Variants in LPAR5 observed in about 807,000 individuals in gnomAD.
The protein encoded by LPAR5 is lysophosphatidic acid receptor 5.
For missense variants in LPAR5, 544 were observed against 521.8 expected (o/e 1.04, Z -0.41); for synonymous variants, 271 against 261.6 (o/e 1.04, Z -0.35).
At chr12:6,631,893 T>A (rs954792745) in intron 1 of LPAR5, among the ~76,000 whole-genome samples, 1 of 152,108 alleles carries the variant, frequency 6.6e-6, no homozygotes, top group Non-Finnish European at 1.5e-5. Flanking sequence ...TCCTCCCCCA[T>A]ACCCTTCCTG....
intron 1 of LPAR5, among the ~76,000 whole-genome samples, 190 bp downstream of exon 1, chr12:6,635,717 T>C (rs998534735): frequency 1.6e-4 from 25 of 152,152 alleles, no homozygotes; most frequent in Non-Finnish European, 3.1e-4. Flanking sequence ...GCATGTTAGC[T>C]GTTTGTCCAG....
chr12:6,632,621 GC>G (rs1948987050), intron 1 of LPAR5, among the ~76,000 whole-genome samples: 1 of 152,166 alleles, frequency 6.6e-6, no homozygotes, highest in Non-Finnish European at 1.5e-5. Context: ...CCCCAGCTGT[GC>G]TGAGCCTCCA....
At position 6,627,027 on chromosome 12, in the gene LPAR5, T is replaced by G. The variant is rs144678496; in HGVS notation, c.-216-5563A>C. The stretch of plus-strand genomic sequence containing the variant: ...AATAATAGGTATCATTTACTGATCA[T>G]CACCATATTTTAATTTCTATACATA... On this transcript the variant is annotated intron_variant, in intron 1 of 1. Coordinates refer to ENST00000329858, the MANE Select transcript of LPAR5 (RefSeq NM_020400.6). 2.2e-3 allele frequency among the ~76,000 whole-genome samples: 336 copies of G among 152,372 alleles called. 2 individuals carry two copies. The Middle Eastern group carries it at 0.027, about 12-fold the overall frequency.
In LPAR5 at chr12:6,629,972, T is replaced by C. The variant is rs902719818; in HGVS notation, c.-217+5935A>G. ...CCAGGAGGCGGAAGTTGCAGTGAGC[T>C]GAGATCGCGCCACTGCACTCCAGCC... On this transcript the variant is annotated intron_variant, in intron 1 of 1. Transcript: ENST00000329858. Among the ~76,000 whole-genome samples, 6 of 148,744 alleles carry C rather than the reference T, an allele frequency of 4.0e-5. No individual in the cohort carries two copies. The South Asian group carries it at 6.5e-4, about 16-fold the overall frequency.
chr12:6,630,314 G>T (rs150709483), intron 1 of LPAR5, among the ~76,000 whole-genome samples: 12 of 151,826 alleles, frequency 7.9e-5, no homozygotes, highest in African/African-American at 2.4e-4. Context: ...AGTAGAAATG[G>T]GGTTTCACCA....
intron 1 of LPAR5, among the ~76,000 whole-genome samples, chr12:6,622,557 T>C (rs988883782): frequency 6.7e-6 from 1 of 148,840 alleles, no homozygotes; most frequent in Admixed American, 6.8e-5. Context: ...GAGACCATCC[T>C]GGCCAACATG....
intron 1 of LPAR5, among the ~76,000 whole-genome samples, chr12:6,630,271 C>T (rs1385245919): frequency 1.3e-5 from 2 of 150,806 alleles, no homozygotes; most frequent in Non-Finnish European, 3.0e-5. Context: ...TCATAGCTCG[C>T]ACCACCACAC....
chr12:6,622,799 C>G (rs1009799246), intron 1 of LPAR5, among the ~76,000 whole-genome samples: 1 of 152,010 alleles, frequency 6.6e-6, no homozygotes, highest in Non-Finnish European at 1.5e-5. Flanking sequence ...GGCATTGTGG[C>G]ACATGCCCGT....
chr12:6,635,539 G>T (rs1166105357), intron 1 of LPAR5, among the ~76,000 whole-genome samples: 2 of 152,100 alleles, frequency 1.3e-5, no homozygotes, highest in East Asian at 3.9e-4. Context: ...AGGTTTAACT[G>T]CGAGTGGAAA....
intron 1 of LPAR5, among the ~76,000 whole-genome samples, chr12:6,625,237 A>G (rs1215366227): frequency 6.6e-6 from 1 of 151,396 alleles, no homozygotes; most frequent in African/African-American, 2.4e-5. Flanking sequence ...CATCCTGGCT[A>G]ACACGGTGAA....
intron 1 of LPAR5, among the ~76,000 whole-genome samples, chr12:6,623,003 T>G (rs1170620356): frequency 6.6e-6 from 1 of 152,008 alleles, no homozygotes; most frequent in African/African-American, 2.4e-5. Flanking sequence ...TTTGGGAGAC[T>G]GAGGCGGGCA....
intron 1 of LPAR5, among the ~76,000 whole-genome samples, chr12:6,634,842 C>G (rs1592303810): frequency 6.7e-6 from 1 of 150,368 alleles, no homozygotes; most frequent in Non-Finnish European, 1.5e-5. Context: ...GTAATCCCAG[C>G]ACTTTGGGAG....
chr12:6,628,028 C>CTTTTTTTTTTTT lies in LPAR5; in HGVS notation c.-216-6565_-216-6564insAAAAAAAAAAAA, dbSNP rs71067128. On this transcript the variant is annotated intron_variant, in intron 1 of 1. Transcript: ENST00000329858. The stretch of plus-strand genomic sequence containing the variant: ...GATCATTCTTTTCTTTTTCTTTTTT[C>CTTTTTTTTTTTT]TTTTTTTTTTTGAGACAGAGTCTTG... Among the ~76,000 whole-genome samples, 8 of 134,510 alleles carry CTTTTTTTTTTTT rather than the reference C, an allele frequency of 5.9e-5. 1 individual carries two copies. The highest frequency in any genetic ancestry group is 2.3e-4 in the South Asian group (1 of 4,410). The allele number at this position is 134,510 out of a possible 152,430, so 88.2% of individuals were successfully genotyped here.
intron 1 of LPAR5, among the ~76,000 whole-genome samples, chr12:6,622,671 G>A (rs1948905211): frequency 1.3e-5 from 2 of 151,426 alleles, no homozygotes; most frequent in Admixed American, 6.6e-5. Context: ...AGAATTGCTT[G>A]AGCAGAGGTT....
At chr12:6,624,520 C>A (rs1948920240) in intron 1 of LPAR5, among the ~76,000 whole-genome samples, 1 of 152,168 alleles carries the variant, frequency 6.6e-6, no homozygotes, top group African/African-American at 2.4e-5. Flanking sequence ...TGAGTGGAAT[C>A]ATACAATATT....
intron 1 of LPAR5, among the ~76,000 whole-genome samples, chr12:6,628,086 A>G (rs1384401215): frequency 2.9e-5 from 4 of 139,334 alleles, no homozygotes; most frequent in African/African-American, 5.2e-5. Flanking sequence ...CAGTGGCTCA[A>G]TCTGGGCTCA....
chr12:6,623,237 C>CAA (rs756204538), intron 1 of LPAR5, among the ~76,000 whole-genome samples: 14 of 132,880 alleles, frequency 1.1e-4, no homozygotes, highest in African/African-American at 3.9e-4. Context: ...GACTCCATCT[C>CAA]AAAAAAAAAA....
intron 1 of LPAR5, among the ~76,000 whole-genome samples, chr12:6,624,159 C>G (rs1392583736): frequency 1.3e-5 from 2 of 152,148 alleles, no homozygotes; most frequent in African/African-American, 4.8e-5. Flanking sequence ...TGATTGCATG[C>G]TAGTCTTGAC....
At position 6,621,407 on chromosome 12, in the gene LPAR5, G is replaced by C; in HGVS notation, c.-159C>G. ...TGGGAATGTGGGCTATGGCTGCAGGGACAGATGGCTGCCAAGGGTTGGGTG... is the reference window on the plus strand; with the variant it reads ...TGGGAATGTGGGCTATGGCTGCAGGCACAGATGGCTGCCAAGGGTTGGGTG... On this transcript the variant is annotated 5_prime_UTR_variant, in exon 2 of 2. Coordinates refer to ENST00000329858, the MANE Select transcript of LPAR5 (RefSeq NM_020400.6). 1 of 646,238 alleles carries C rather than the reference G, an allele frequency of 1.5e-6. No individual in the cohort carries two copies. The highest frequency in any genetic ancestry group is 5.5e-5 in the South Asian group (1 of 18,070). 40.0% of individuals were successfully genotyped at this position (646,238 alleles called of 1,614,324 possible).
Sources: gnomAD v4.1 joint callset for allele counts (sites outside exome capture counted in the v4.1 genomes callset) on GRCh38, gnomAD v4.1.1 for gene constraint, MANE v1.5 for transcripts, NCBI Gene and HGNC (gene_info 2026-07-23, HGNC 2026-07-21) for gene names.